ETV1: variants seen among roughly 807,000 people sequenced by gnomAD.
ETV1 encodes ETS translocation variant 1.
In ETV1, 27 loss-of-function variants were observed where a neutral mutation model predicts 62.3. That is an observed-to-expected ratio of 0.43 (90% CI 0.32 to 0.60). The LOEUF (loss-of-function observed/expected upper bound fraction) is 0.60, where lower values mean the gene tolerates loss of function less well. ETV1 is among the 20% of genes least tolerant of loss of function. The probability of loss-of-function intolerance (pLI) is 0.06; values close to 1 mark genes in which losing one functional copy is unlikely to be tolerated. For missense variants in ETV1, 605 were observed against 605.8 expected (o/e 1.00, Z 0.01); for synonymous variants, 222 against 199.6 (o/e 1.11, Z -0.94).
chr7:13,916,465 C>G (rs1473879093), intron 9 of ETV1, among the ~76,000 whole-genome samples: 1 of 151,954 alleles, frequency 6.6e-6, no homozygotes, highest in Non-Finnish European at 1.5e-5. Context: ...TGGTGAAAAC[C>G]TGTCTCTACT....
At chr7:13,930,719 C>T (rs984792977) in intron 9 of ETV1, among the ~76,000 whole-genome samples, 2 of 152,106 alleles carry the variant, frequency 1.3e-5, no homozygotes, top group Non-Finnish European at 1.5e-5. Context: ...CTAAACTCTA[C>T]GAATAATCTG....
chr7:13,961,049 A>G (rs1790103763), intron 6 of ETV1, among the ~76,000 whole-genome samples: 1 of 149,930 alleles, frequency 6.7e-6, no homozygotes, highest in African/African-American at 2.4e-5. Flanking sequence ...CAAGAGGCTG[A>G]GTTGGGAGAT....
chr7:13,908,672 G>C (rs1451692862), intron 11 of ETV1, among the ~76,000 whole-genome samples: 3 of 152,110 alleles, frequency 2.0e-5, no homozygotes, highest in Non-Finnish European at 4.4e-5. Flanking sequence ...GCCCTTCTGA[G>C]AAGGGTAAGG....
intron 6 of ETV1, chr7:13,958,884 CTAT>C (rs1789813929): frequency 1.3e-5 from 2 of 152,130 alleles, no homozygotes; most frequent in Admixed American, 1.3e-4. Context: ...CAAGTATTAG[CTAT>C]TATTATCCAA....
chr7:13,972,756 A>T (rs559378139), intron 6 of ETV1, among the ~76,000 whole-genome samples: 1 of 152,224 alleles, frequency 6.6e-6, no homozygotes, highest in South Asian at 2.1e-4. Context: ...ACTTGTAGGA[A>T]CTTGTTTTCA....
chr7:13,930,440 G>C (rs574950248), intron 9 of ETV1, among the ~76,000 whole-genome samples: 1 of 151,956 alleles, frequency 6.6e-6, no homozygotes, highest in Non-Finnish European at 1.5e-5. Context: ...TCCTGCCTCA[G>C]CCTACCAAGT....
Position 13,986,465 on chromosome 7 carries a change from C to T in ETV1, c.181+173G>A, listed in dbSNP as rs1782561670. Reference sequence around the variant, plus strand: ...TTGTGATGACACTGGGTAGTACAGCCCCAGAGTCCCCAAAGACAAACTCAT... The same window carrying T: ...TTGTGATGACACTGGGTAGTACAGCTCCAGAGTCCCCAAAGACAAACTCAT... On this transcript the variant is annotated intron_variant, in intron 5 of 13. Coordinates refer to ENST00000430479, the MANE Select transcript of ETV1 (RefSeq NM_004956.5). 7 of 1,504,864 alleles carry T rather than the reference C, an allele frequency of 4.7e-6. No homozygotes were observed. In the South Asian group the frequency reaches 9.4e-5, roughly 20 times the overall value. 93.2% of individuals were successfully genotyped at this position (1,504,864 alleles called of 1,614,324 possible). A position where few individuals can be genotyped will look rare whatever the true frequency, so the allele number is the denominator to read the frequency against.
intron 3 of ETV1, 57 bp from the exon 4 acceptor site, chr7:13,988,230 G>GCA (rs1782726292): frequency 5.1e-6 from 5 of 984,078 alleles, no homozygotes; most frequent in Admixed American, 1.9e-5. Flanking sequence ...TCACACACAC[G>GCA]CACACGCGCG....
chr7:13,941,290 G>A lies in ETV1; in HGVS notation c.236-2044C>T, dbSNP rs553918717. Among the ~76,000 whole-genome samples, 22 of 152,218 alleles carry A rather than the reference G, an allele frequency of 1.4e-4. No homozygotes were observed. In the South Asian group the frequency reaches 4.1e-3, roughly 29 times the overall value. On this transcript the variant is annotated intron_variant, in intron 6 of 13. Transcript: ENST00000430479. ...CTAGCTATTAGATAATTTAATGTCT[G>A]TTAATTTTGTTGGATGTGACAATAG...
At chr7:13,897,431 G>T (rs1781963099) in intron 13 of ETV1, among the ~76,000 whole-genome samples, 1 of 152,148 alleles carries the variant, frequency 6.6e-6, no homozygotes, top group South Asian at 2.1e-4. Context: ...CTTTTGCCCT[G>T]AATTTAAGTA....
intron 6 of ETV1, among the ~76,000 whole-genome samples, chr7:13,973,763 C>A (rs1165757466): frequency 1.3e-5 from 2 of 151,708 alleles, no homozygotes; most frequent in Non-Finnish European, 2.9e-5. Context: ...TGTAAATATT[C>A]TCTAATTAAA....
chr7:13,894,903 G>C lies in ETV1; in HGVS notation c.*963C>G, dbSNP rs2128397995. On this transcript the variant is annotated 3_prime_UTR_variant, in exon 14 of 14. Transcript: ENST00000430479. ...TGGATATTTTTCTTAAAGAGTGTTT[G>C]CTGTAACTAGAACAGCATAATACAT... The C allele has an allele frequency of 4.3e-6, 1 of 232,746 alleles. No individual in the cohort carries two copies. Among genetic ancestry groups the C allele is most frequent in the Middle Eastern group, 1.3e-3 (1 of 780 alleles). 14.4% of individuals were successfully genotyped at this position (232,746 alleles called of 1,614,324 possible).
intron 6 of ETV1, 130 bp downstream of exon 6, chr7:13,977,297 G>T (rs1781544986): frequency 3.4e-6 from 2 of 580,084 alleles, no homozygotes; most frequent in South Asian, 2.5e-5. Flanking sequence ...TCATCTTATG[G>T]CTGTAAGTTA....
rs140670085 is a variant in ETV1, at chr7:13,933,974, G to A, written c.554+1734C>T. On this transcript the variant is annotated intron_variant, in intron 8 of 13. Transcript: ENST00000430479. ...GAAATAACCAGTTTGCACAAAAAGC[G>A]AATTATACAATCTATAATTCTGGCA... Among the ~76,000 whole-genome samples, 136 of 152,256 alleles carry A rather than the reference G, an allele frequency of 8.9e-4. 1 individual carries two copies. Among genetic ancestry groups the A allele is most frequent in the African/African-American group, 3.2e-3 (135 of 41,550 alleles).
At chr7:13,903,921 G>A (rs895163661) in intron 12 of ETV1, among the ~76,000 whole-genome samples, 3 of 152,138 alleles carry the variant, frequency 2.0e-5, no homozygotes, top group African/African-American at 4.8e-5. Context: ...CAGATAATCT[G>A]TGCAGGTCTG....
At chr7:13,916,223 T>G (rs1191720883) in intron 9 of ETV1, among the ~76,000 whole-genome samples, 1 of 152,238 alleles carries the variant, frequency 6.6e-6, no homozygotes, top group Admixed American at 6.5e-5. Context: ...CAGAGATACT[T>G]ACTTCACAAT....
At chr7:13,922,531 A>C (rs1189431341) in intron 9 of ETV1, among the ~76,000 whole-genome samples, 1 of 152,220 alleles carries the variant, frequency 6.6e-6, no homozygotes, top group Non-Finnish European at 1.5e-5. Flanking sequence ...GAATTGCTTG[A>C]GGCCAAGAGT....
At chr7:13,915,984 G>A (rs576001438) in intron 9 of ETV1, among the ~76,000 whole-genome samples, 2 of 152,302 alleles carry the variant, frequency 1.3e-5, no homozygotes, top group Admixed American at 1.3e-4. Context: ...TGAACTGGAT[G>A]TGAATGTAAC....
intron 9 of ETV1, among the ~76,000 whole-genome samples, chr7:13,925,772 G>T (rs1344797485): frequency 6.6e-6 from 1 of 151,630 alleles, no homozygotes; most frequent in Non-Finnish European, 1.5e-5. Context: ...GTTTCACCGT[G>T]GTCTTGATCT....
Sources: gnomAD v4.1 joint callset for allele counts (sites outside exome capture counted in the v4.1 genomes callset) on GRCh38, gnomAD v4.1.1 for gene constraint, MANE v1.5 for transcripts, NCBI Gene and HGNC (gene_info 2026-07-23, HGNC 2026-07-21) for gene names.